Variants in FAM53A observed in about 807,000 individuals in gnomAD.
The protein encoded by FAM53A is family with sequence similarity 53 member A, also known as protein FAM53A.
FAM53A carries 28 observed loss-of-function variants against 26.6 expected under a neutral mutation model. That is an observed-to-expected ratio of 1.05 (90% CI 0.78 to 1.45). The LOEUF is 1.45. FAM53A is among the 40% of genes most tolerant of loss of function. The probability of loss-of-function intolerance (pLI) is 0.00; values close to 1 mark genes in which losing one functional copy is unlikely to be tolerated. For synonymous variants in FAM53A, 290 were observed against 253.1 expected (o/e 1.15, Z -1.38); for missense variants, 650 against 575.8 (o/e 1.13, Z -1.32).
chr4:1,622,846 G>T (rs1037438312), intron 1 of FAM53A, among the ~76,000 whole-genome samples: 1 of 152,216 alleles, frequency 6.6e-6, no homozygotes, highest in Admixed American at 6.5e-5. Flanking sequence ...ACCACCCTCT[G>T]CCTCGAGGGG....
rs145091146 is a variant in FAM53A at position 1,654,121 on chromosome 4, G to C, written c.882+857C>G. Among the ~76,000 whole-genome samples the C allele has an allele frequency of 2.1e-3, 319 of 152,322 alleles. 1 individual carries two copies. The highest frequency in any genetic ancestry group is 7.3e-3 in the African/African-American group (302 of 41,572). ...CTGATCCCGCCCCACCCTAGCCACA[G>C]CCCCACTCGGCCCTGGCTGGTACTC... On this transcript the variant is annotated intron_variant, in intron 4 of 4. Transcript: ENST00000308132.
At chr4:1,596,412 T>TCCCCCCCCCCC in the FAM53A span, among the ~76,000 whole-genome samples, 4 of 139,744 alleles carry the variant, frequency 2.9e-5, no homozygotes, top group Admixed American at 7.5e-5. Context: ...CCACCCACCT[T>TCCCCCCCCCCC]CCCCAAAGGT....
At chr4:1,682,888 G>GA (rs1553815224) in intron 1 of FAM53A, among the ~76,000 whole-genome samples, 1 of 152,228 alleles carries the variant, frequency 6.6e-6, no homozygotes, top group Non-Finnish European at 1.5e-5. Context: ...GAAACATAAG[G>GA]ACGCATCCAA....
intron 2 of FAM53A, among the ~76,000 whole-genome samples, chr4:1,663,523 C>T (rs984631377): frequency 1.3e-5 from 2 of 152,162 alleles, no homozygotes; most frequent in Admixed American, 6.5e-5. Flanking sequence ...CGAACCTGAT[C>T]GAGCTTCGAG....
chr4:1,655,014 C>A lies in FAM53A; in HGVS notation c.846G>T (p.Trp282Cys). Residue 282 changes from tryptophan (W) to cysteine (C), a missense_variant, in exon 4 of 5, where the codon TGG (tryptophan) becomes TGT (cysteine). Trp to Cys is a radical substitution (Grantham distance 215). Transcript: ENST00000308132. ...RKRRREEDAR[W>C]TRPSLDFLKM... ...TCAGGAAGTCCAAGGATGGGCGTGTCCACCTGGCGTCCTCCTCACGCCTCC... is the reference window on the plus strand; with the variant it reads ...TCAGGAAGTCCAAGGATGGGCGTGTACACCTGGCGTCCTCCTCACGCCTCC... 1 of 1,552,778 alleles carries A rather than the reference C, an allele frequency of 6.4e-7. No individual in the cohort carries two copies. The highest frequency in any genetic ancestry group is 8.7e-7 in the Non-Finnish European group (1 of 1,150,706).
At chr4:1,606,369 T>C in the FAM53A span, among the ~76,000 whole-genome samples, 2 of 152,052 alleles carry the variant, frequency 1.3e-5, no homozygotes, top group African/African-American at 2.4e-5. Context: ...CTGGGGTCTA[T>C]GTCATTAGAC....
At chr4:1,674,539 C>T (rs888621540) in intron 1 of FAM53A, among the ~76,000 whole-genome samples, 2 of 151,884 alleles carry the variant, frequency 1.3e-5, no homozygotes, top group South Asian at 2.1e-4. Flanking sequence ...TGTGGTGGCA[C>T]GTGCCTGTGG....
intron 3 of FAM53A, 137 bp downstream of exon 3, chr4:1,657,271 G>A (rs1481807544): frequency 1.1e-5 from 8 of 751,772 alleles, no homozygotes; most frequent in Non-Finnish European, 1.7e-5. Context: ...ACCACCCCAC[G>A]CCCCAGTGCA....
the FAM53A span, among the ~76,000 whole-genome samples, chr4:1,600,450 C>T: frequency 6.6e-6 from 1 of 152,126 alleles, no homozygotes; most frequent in Non-Finnish European, 1.5e-5. Flanking sequence ...CCTACTGCTG[C>T]CCCCAGCGCA....
rs543099869 is a variant in FAM53A at position 1,681,974 on chromosome 4, C to T, written c.-165+2259G>A. ...CTGCACAAAGCCCCGGGTTCAGACACCAGTTGGGCCCACTCACTAGCCAGG... is the reference window on the plus strand; with the variant it reads ...CTGCACAAAGCCCCGGGTTCAGACATCAGTTGGGCCCACTCACTAGCCAGG... On this transcript the variant is annotated intron_variant, in intron 1 of 4. Transcript: ENST00000308132. 6.7e-4 allele frequency among the ~76,000 whole-genome samples: 102 copies of T among 152,304 alleles called. 1 individual carries two copies. In the South Asian group the frequency reaches 0.02, roughly 30 times the overall value.
rs1161951281 is a variant in FAM53A, at chr4:1,641,340, G to A, written c.1150C>T (p.Pro384Ser). The A allele has an allele frequency of 1.9e-6, 3 of 1,611,508 alleles. No homozygotes were observed. Among genetic ancestry groups the A allele is most frequent in the African/African-American group, 2.7e-5 (2 of 74,812 alleles). The change falls in exon 5 of 5, where the codon CCC (proline) becomes TCC (serine). Residue 384 changes from proline to serine, a missense_variant. By Grantham distance (74) the Pro-to-Ser change is moderately conservative. Transcript: ENST00000308132. ...AGGTCCAGCTCCCAGCGGGCCCGGG[G>A]GAAGACGCCCTCCTCCCCGACACTG... ...GDSVGEEGVF[P>S]RARWELDLEQ... is the part of the protein sequence containing the mutation.
At chr4:1,642,287 C>T (rs1253765137) in intron 4 of FAM53A, among the ~76,000 whole-genome samples, 1 of 152,216 alleles carries the variant, frequency 6.6e-6, no homozygotes, top group Non-Finnish European at 1.5e-5. Context: ...AGGGGTCTCC[C>T]CTGGGCAAGG....
chr4:1,643,640 C>G (rs903115313), intron 4 of FAM53A, among the ~76,000 whole-genome samples: 1 of 148,682 alleles, frequency 6.7e-6, no homozygotes, highest in Admixed American at 6.7e-5. Flanking sequence ...AATCATAGCT[C>G]ACTGCAGCCT....
chr4:1,619,813 T>C (rs1427487487), intron 1 of FAM53A, among the ~76,000 whole-genome samples: 1 of 152,196 alleles, frequency 6.6e-6, no homozygotes, highest in Non-Finnish European at 1.5e-5. Flanking sequence ...TCAGGTCCCT[T>C]TCGCCCACAC....
chr4:1,588,309 T>C, the FAM53A span, among the ~76,000 whole-genome samples: 22 of 152,354 alleles, frequency 1.4e-4, no homozygotes, highest in African/African-American at 4.1e-4. Context: ...TTTACAAATA[T>C]GCTCCCAGAT....
chr4:1,656,263 C>T (rs902245439), intron 3 of FAM53A, among the ~76,000 whole-genome samples: 6 of 152,194 alleles, frequency 3.9e-5, no homozygotes, highest in African/African-American at 1.4e-4. Flanking sequence ...GGAGCCCCTT[C>T]CCAAGTCTCA....
chr4:1,590,955 C>CATATATACATATAT, the FAM53A span, among the ~76,000 whole-genome samples: 96 of 46,302 alleles, frequency 2.1e-3, 10 homozygotes, highest in African/African-American at 3.5e-3. Context: ...TTATTTAATG[C>CATATATACATATAT]ATATATATAT....
At chr4:1,647,279 T>G (rs1265827386) in intron 4 of FAM53A, among the ~76,000 whole-genome samples, 1 of 149,598 alleles carries the variant, frequency 6.7e-6, no homozygotes, top group African/African-American at 2.5e-5. Context: ...AGGTTGCAGT[T>G]AGCCGAGATG....
At chr4:1,581,742 C>G in the FAM53A span, among the ~76,000 whole-genome samples, 2 of 152,208 alleles carry the variant, frequency 1.3e-5, no homozygotes, top group African/African-American at 4.8e-5. Flanking sequence ...TTACAGGCAC[C>G]CGCCACCATA....
Sources: allele counts gnomAD v4.1 joint callset (sites outside exome capture counted in the v4.1 genomes callset), GRCh38; gene constraint gnomAD v4.1.1; transcripts MANE v1.5; gene names NCBI Gene and HGNC (gene_info 2026-07-23, HGNC 2026-07-21).